The following TENM1 variants were observed in gnomAD, a reference collection of about 807,000 sequenced individuals.
TENM1 encodes the protein teneurin-1.
A neutral mutation model predicts 174.8 loss-of-function variants in TENM1; 35 were observed. The ratio of observed to expected loss-of-function variants is 0.20; its 90% confidence interval spans 0.15 to 0.27. TENM1 has a LOEUF of 0.27. TENM1 is among the 10% of genes least tolerant of loss of function. The pLI, the probability that TENM1 is intolerant of heterozygous loss-of-function variation, is 1.00. For synonymous variants in TENM1, 781 were observed against 798.7 expected (o/e 0.98, Z 0.37); for missense variants, 1,633 against 2,130.1 (o/e 0.77, Z 4.59).
intron 3 of TENM1, among the ~76,000 whole-genome samples, chrX:124,788,706 C>A (rs1198005647): frequency 8.9e-6 from 1 of 112,918 alleles, no homozygotes; most frequent in Non-Finnish European, 1.9e-5. Flanking sequence ...CCAAGTCACA[C>A]TGATATAAGA....
At chrX:125,177,692 C>T in the TENM1 span, among the ~76,000 whole-genome samples, 3 of 111,658 alleles carry the variant, frequency 2.7e-5, no homozygotes, top group African/African-American at 9.7e-5. Flanking sequence ...GTCAAGTTAG[C>T]AATATCATGG....
the TENM1 span, among the ~76,000 whole-genome samples, chrX:125,017,726 T>C: frequency 1.8e-5 from 2 of 111,628 alleles, no homozygotes; most frequent in African/African-American, 6.5e-5. Flanking sequence ...TGCAGGGACA[T>C]GGATGAAGCT....
chrX:125,070,672 C>A, the TENM1 span, among the ~76,000 whole-genome samples: 24 of 111,542 alleles, frequency 2.2e-4, no homozygotes, highest in African/African-American at 7.8e-4. Context: ...GTTCCCACCT[C>A]TGTAAAATTA....
chrX:124,883,560 C>T (rs1283855099), intron 3 of TENM1, among the ~76,000 whole-genome samples: 1 of 112,276 alleles, frequency 8.9e-6, no homozygotes, highest in Non-Finnish European at 1.9e-5. Flanking sequence ...AAAGCTTGCT[C>T]AAGTGCTGGC....
Position 124,851,423 on chromosome X carries a change from TAGAAA to T in TENM1, c.535+42868_535+42872del, listed in dbSNP as rs1377326564. Among the ~76,000 whole-genome samples the T allele has an allele frequency of 5.5e-4, 61 of 111,557 alleles. 2 individuals are homozygous for T. Among genetic ancestry groups the T allele is most frequent in the East Asian group, 5.7e-4 (2 of 3,532 alleles). ...TTGGTAATTTTAGGATAAGAATGGG[TAGAAA>T]AGAAAAGTATCTAAGGGGCATGTAT... On this transcript the variant is annotated intron_variant, in intron 3 of 31. Transcript: ENST00000422452.
intron 11 of TENM1, among the ~76,000 whole-genome samples, chrX:124,596,460 C>G (rs983313774): frequency 8.9e-6 from 1 of 111,825 alleles, no homozygotes; most frequent in African/African-American, 3.3e-5. Flanking sequence ...TGCATACATA[C>G]TCAAAGAAAT....
intron 11 of TENM1, among the ~76,000 whole-genome samples, chrX:124,577,747 T>C (rs1232309785): frequency 1.8e-5 from 2 of 111,612 alleles, no homozygotes; most frequent in East Asian, 2.8e-4. Context: ...TATGAGGAGG[T>C]AGTATATCAA....
intron 5 of TENM1, among the ~76,000 whole-genome samples, chrX:124,691,737 T>G (rs749177205): frequency 8.9e-6 from 1 of 111,913 alleles, no homozygotes; most frequent in Non-Finnish European, 1.9e-5. Context: ...CTTTCTATTA[T>G]TTTTGTTTCC....
the TENM1 span, among the ~76,000 whole-genome samples, chrX:125,026,201 A>G: frequency 2.9e-5 from 2 of 68,003 alleles, no homozygotes; most frequent in Non-Finnish European, 5.1e-5. Flanking sequence ...AAGGCAAAGG[A>G]AAAAAAAAAC....
chrX:125,139,306 C>T, the TENM1 span, among the ~76,000 whole-genome samples: 157 of 110,632 alleles, frequency 1.4e-3, no homozygotes, highest in Non-Finnish European at 2.6e-3. Flanking sequence ...TCAGGGAGGG[C>T]CCCAATGAAG....
At chrX:125,103,208 C>T in the TENM1 span, among the ~76,000 whole-genome samples, 10 of 111,798 alleles carry the variant, frequency 8.9e-5, no homozygotes, top group East Asian at 2.5e-3. Flanking sequence ...ATGAAAATTT[C>T]CCTTTTCAGT....
chrX:124,602,210 C>A (rs746267910), intron 11 of TENM1, among the ~76,000 whole-genome samples: 2 of 110,446 alleles, frequency 1.8e-5, no homozygotes, highest in Non-Finnish European at 3.8e-5. Flanking sequence ...GCCTGAAATC[C>A]CCAAAACTAA....
At chrX:124,668,863 AT>A (rs1221010462) in intron 6 of TENM1, among the ~76,000 whole-genome samples, 1 of 112,281 alleles carries the variant, frequency 8.9e-6, no homozygotes, top group African/African-American at 3.2e-5. Flanking sequence ...AGAAAGTGCC[AT>A]TCATCATTAT....
intron 27 of TENM1, among the ~76,000 whole-genome samples, chrX:124,404,060 AG>A (rs1222864436): frequency 2.7e-5 from 3 of 111,973 alleles, no homozygotes; most frequent in Non-Finnish European, 5.6e-5. Context: ...TCCATCTGTA[AG>A]GGCGCACCCT....
intron 3 of TENM1, among the ~76,000 whole-genome samples, chrX:124,881,250 A>G (rs1337197085): frequency 4.5e-5 from 5 of 111,608 alleles, no homozygotes; most frequent in Non-Finnish European, 9.4e-5. Flanking sequence ...TCCTGATTCA[A>G]TCTTGGTAGG....
At chrX:124,833,138 T>G (rs963571358) in intron 3 of TENM1, among the ~76,000 whole-genome samples, 1 of 111,537 alleles carries the variant, frequency 9.0e-6, no homozygotes, top group African/African-American at 3.3e-5. Flanking sequence ...ACTGAGAGAT[T>G]TATACAGGAG....
chrX:124,663,926 T>C (rs760213106), intron 6 of TENM1, among the ~76,000 whole-genome samples: 1 of 111,254 alleles, frequency 9.0e-6, no homozygotes, highest in South Asian at 3.9e-4. Flanking sequence ...CCAGTATGCT[T>C]TAGGAAAGCT....
chrX:124,487,966 CT>C (rs1356725043), intron 20 of TENM1, among the ~76,000 whole-genome samples: 1 of 112,178 alleles, frequency 8.9e-6, no homozygotes, highest in Non-Finnish European at 1.9e-5. Flanking sequence ...ATCAAAACAA[CT>C]TCAATAAAAC....
chrX:124,470,628 C>T (rs2061288836), intron 22 of TENM1, among the ~76,000 whole-genome samples: 1 of 111,222 alleles, frequency 9.0e-6, no homozygotes, highest in Admixed American at 9.6e-5. Context: ...TTCTCCTACT[C>T]TTTTTTAAAA....
Sources: allele counts gnomAD v4.1 joint callset (sites outside exome capture counted in the v4.1 genomes callset), GRCh38; gene constraint gnomAD v4.1.1; transcripts MANE v1.5; gene names NCBI Gene and HGNC (gene_info 2026-07-23, HGNC 2026-07-21).